SMNDC1: variants seen among roughly 807,000 people sequenced by gnomAD.
SMNDC1 encodes the protein survival of motor neuron-related-splicing factor 30.
A neutral mutation model predicts 29.2 loss-of-function variants in SMNDC1; 5 were observed. The ratio of observed to expected loss-of-function variants is 0.17; its 90% CI spans 0.09 to 0.36. SMNDC1 has a LOEUF of 0.36. Ranked by LOEUF, SMNDC1 falls within the 10% of genes least tolerant of loss-of-function variation. The pLI, the probability that SMNDC1 is intolerant of heterozygous loss-of-function variation, is 1.00. For missense variants in SMNDC1, 142 were observed against 268.5 expected, an observed-to-expected ratio of 0.53 and a Z score of 3.29; for synonymous variants, 80 against 89.9, an observed-to-expected ratio of 0.89 and a Z score of 0.62.
At chr10:110,301,686 C>T (rs1055974496) in intron 2 of SMNDC1, among the ~76,000 whole-genome samples, 3 of 152,128 alleles carry the variant, frequency 2.0e-5, no homozygotes, top group Non-Finnish European at 4.4e-5. Context: ...AGAACATTTC[C>T]ATCATCACAG....
chr10:110,299,295 C>T (rs1178053030), intron 2 of SMNDC1, among the ~76,000 whole-genome samples: 1 of 152,176 alleles, frequency 6.6e-6, no homozygotes, highest in African/African-American at 2.4e-5. Context: ...TAAAATACTA[C>T]AGGCAATGTA....
rs1473061024 is a variant in SMNDC1 at position 110,298,147 on chromosome 10, CCTAA to C, written c.264-423_264-420del. Among the ~76,000 whole-genome samples, 14 of 152,276 alleles carry C rather than the reference CCTAA, an allele frequency of 9.2e-5. No individual in the cohort carries two copies. The South Asian group carries it at 2.1e-3, about 23-fold the overall frequency. On this transcript the variant is annotated intron_variant, in intron 3 of 5. Coordinates refer to ENST00000369603, the MANE Select transcript of SMNDC1 (RefSeq NM_005871.4). Reference sequence around the variant, plus strand: ...GGGATTACAGGCACACGCCACCACACCTAACTGATTTTTGTATTTTTAGTAGAGA... The same window carrying C: ...GGGATTACAGGCACACGCCACCACACCTGATTTTTGTATTTTTAGTAGAGA...
chr10:110,297,978 G>C (rs1857590929), intron 3 of SMNDC1, among the ~76,000 whole-genome samples: 2 of 152,142 alleles, frequency 1.3e-5, no homozygotes, highest in African/African-American at 4.8e-5. Context: ...TAATGTCTTT[G>C]AGAATAGAGG....
In SMNDC1 at chr10:110,292,438, TA is replaced by T. The variant is rs1444719013; in HGVS notation, c.*1711del. On this transcript the variant is annotated 3_prime_UTR_variant, in exon 6 of 6. Coordinates refer to ENST00000369603, the MANE Select transcript of SMNDC1 (RefSeq NM_005871.4). ...AATTACTATTCTAATACCACCAAGG[TA>T]ATCTCAACAACCATTTTCTGGGGTC... 2 of 152,178 alleles carry T rather than the reference TA, an allele frequency of 1.3e-5. No individual in the cohort carries two copies. Among genetic ancestry groups the T allele is most frequent in the Non-Finnish European group, 2.9e-5 (2 of 68,032 alleles). The allele number at this position is 152,178 out of a possible 1,614,324, so 9.4% of individuals were successfully genotyped here.
In SMNDC1 at chr10:110,298,712, T is replaced by C. The variant is rs1009841351; in HGVS notation, c.199A>G (p.Thr67Ala). The C allele has an allele frequency of 1.9e-6, 3 of 1,613,710 alleles. No homozygotes were observed. The highest frequency in any genetic ancestry group is 2.5e-6 in the Non-Finnish European group (3 of 1,179,708). ...ACTTTCCATGAATGAGTAGGTTGAG[T>C]AGAAGCAAAACTGTCTGAACTTGCA... ...TLASSDSFAS[T>A]QPTHSWKVGD... The change falls in exon 3 of 6, where the codon ACT becomes GCT. Residue 67 changes from threonine to alanine, a missense_variant. Transcript: ENST00000369603.
chr10:110,300,434 C>A, intron 2 of SMNDC1: 2 of 436,016 alleles, frequency 4.6e-6, no homozygotes, highest in Non-Finnish European at 3.0e-6. Context: ...TTTTACATAA[C>A]CCTCCCAACA....
intron 5 of SMNDC1, among the ~76,000 whole-genome samples, chr10:110,294,991 GA>G (rs1342670791): frequency 6.6e-6 from 1 of 152,132 alleles, no homozygotes; most frequent in Non-Finnish European, 1.5e-5. Flanking sequence ...TTTATAGAAG[GA>G]AAAGAACATA....
Position 110,298,682 on chromosome 10 carries a change from C to T in SMNDC1, c.229G>A (p.Asp77Asn). 6.2e-7 allele frequency: 1 copy of T among 1,613,588 alleles called. No homozygotes were observed. ...TCACTCCAGACTGCCATACACTTGT[C>T]TCCTACTTTCCATGAATGAGTAGGT... ...TQPTHSWKVG[D>N]KCMAVWSEDG... The change falls in exon 3 of 6, where the codon GAC (aspartate) becomes AAC (asparagine). Residue 77 changes from aspartate (D) to asparagine (N), a missense_variant. By Grantham distance (23) the Asp-to-Asn change is conservative. This residue lies in a region of SMNDC1 where 65 missense variants were observed against 75.9 expected (regional missense o/e 0.86). Coordinates refer to ENST00000369603, the MANE Select transcript of SMNDC1 (RefSeq NM_005871.4).
Position 110,293,478 on chromosome 10 carries a change from CAG to C in SMNDC1, c.*670_*671del, listed in dbSNP as rs1371145369. 1 of 152,258 alleles carries C rather than the reference CAG, an allele frequency of 6.6e-6. No homozygotes were observed. The highest frequency in any genetic ancestry group is 2.4e-5 in the African/African-American group (1 of 41,408). 9.4% of individuals were successfully genotyped at this position (152,258 alleles called of 1,614,324 possible). The stretch of plus-strand genomic sequence containing the variant: ...TGCCGTAAATGGAAAAAACAAAAAA[CAG>C]GAAAAAAGCAAACATACAAAAAACA... On this transcript the variant is annotated 3_prime_UTR_variant, in exon 6 of 6. Coordinates refer to ENST00000369603, the MANE Select transcript of SMNDC1 (RefSeq NM_005871.4).
Position 110,298,628 on chromosome 10 carries a change from GT to G in SMNDC1, c.263+19del, listed in dbSNP as rs748971084. ...TTTATTATTTCATGTTATAGTTAGA[GT>G]TTTTTTTTCTACACTTACTGTCCAT... On this transcript the variant is annotated intron_variant, in intron 3 of 5. Transcript: ENST00000369603. 3.3e-5 allele frequency: 51 copies of G among 1,542,412 alleles called. No individual in the cohort carries two copies. The highest frequency in any genetic ancestry group is 3.2e-4 in the African/African-American group (23 of 72,012).
chr10:110,303,131 T>C (rs1161521093), intron 2 of SMNDC1, among the ~76,000 whole-genome samples: 1 of 152,234 alleles, frequency 6.6e-6, no homozygotes, highest in Non-Finnish European at 1.5e-5. Context: ...CTAAATTTCA[T>C]TTGCCAGGTC....
At chr10:110,298,249 A>G (rs1857595071) in intron 3 of SMNDC1, among the ~76,000 whole-genome samples, 1 of 152,196 alleles carries the variant, frequency 6.6e-6, no homozygotes, top group Non-Finnish European at 1.5e-5. Flanking sequence ...TCAGCCTCCC[A>G]AAGTGCTGAG....
Position 110,293,529 on chromosome 10 carries a change from C to T in SMNDC1, c.*621G>A, listed in dbSNP as rs1024175881. 1 of 152,134 alleles carries T rather than the reference C, an allele frequency of 6.6e-6. No individual in the cohort carries two copies. The highest frequency in any genetic ancestry group is 6.5e-5 in the Admixed American group (1 of 15,272). 9.4% of individuals were successfully genotyped at this position (152,134 alleles called of 1,614,324 possible). A position where few individuals can be genotyped will look rare whatever the true frequency, so the allele number is the denominator to read the frequency against. On this transcript the variant is annotated 3_prime_UTR_variant, in exon 6 of 6. Transcript: ENST00000369603. ...CAAAAACACCTTAGAAAAGGGAGCT[C>T]ATCCTAAGGTTTCTTACATAAAACT...
intron 5 of SMNDC1, among the ~76,000 whole-genome samples, chr10:110,294,595 T>C (rs1857540281): frequency 6.6e-6 from 1 of 152,236 alleles, no homozygotes; most frequent in South Asian, 2.1e-4. Flanking sequence ...CATTCTAGCA[T>C]GATTAAAGCT....
At position 110,304,894 on chromosome 10, in the gene SMNDC1, G is replaced by C. The variant is rs1054476035; in HGVS notation, c.-147C>G. 1.3e-5 allele frequency: 2 copies of C among 152,478 alleles called. No individual in the cohort carries two copies. The highest frequency in any genetic ancestry group is 4.8e-5 in the African/African-American group (2 of 41,466). 9.4% of individuals were successfully genotyped at this position (152,478 alleles called of 1,614,324 possible). A position where few individuals can be genotyped will look rare whatever the true frequency, so the allele number is the denominator to read the frequency against. On this transcript the variant is annotated 5_prime_UTR_variant, in exon 1 of 6. Coordinates refer to ENST00000369603, the MANE Select transcript of SMNDC1 (RefSeq NM_005871.4). ...ACCCGGTCTGAAAAGGAAGAACTCG[G>C]TCGGCGGCGAGGGGGAAGGGAGGAA... is the stretch of plus-strand genomic sequence containing the variant.
chr10:110,303,050 A>T (rs1258089186), intron 2 of SMNDC1, among the ~76,000 whole-genome samples: 1 of 152,112 alleles, frequency 6.6e-6, no homozygotes, highest in Non-Finnish European at 1.5e-5. Flanking sequence ...ACGCATTTTC[A>T]AAGAATCTTG....
chr10:110,298,801 AAAAC>A lies in SMNDC1; in HGVS notation c.121-15_121-12del, dbSNP rs1564734021. 1 of 1,589,902 alleles carries A rather than the reference AAAAC, an allele frequency of 6.3e-7. No homozygotes were observed. Among genetic ancestry groups the A allele is most frequent in the Non-Finnish European group, 8.6e-7 (1 of 1,165,314 alleles). On this transcript the variant is annotated splice_polypyrimidine_tract_variant and intron_variant, in intron 2 of 5. Coordinates refer to ENST00000369603, the MANE Select transcript of SMNDC1 (RefSeq NM_005871.4). The stretch of plus-strand genomic sequence containing the variant: ...TAGTTCTATAACTTCCTAAAAAAGA[AAAAC>A]AAAAACTACAACATTATTTTTATAA...
chr10:110,294,028 C>G lies in SMNDC1; in HGVS notation c.*122G>C. 1 of 726,438 alleles carries G rather than the reference C, an allele frequency of 1.4e-6. No individual in the cohort carries two copies. Among genetic ancestry groups the G allele is most frequent in the Non-Finnish European group, 2.1e-6 (1 of 474,750 alleles). 45.0% of individuals were successfully genotyped at this position (726,438 alleles called of 1,614,324 possible). A position where few individuals can be genotyped will look rare whatever the true frequency, so the allele number is the denominator to read the frequency against. ...TCTTCACGTTTCATTCTACTGAAGCCAACCAATGACGACAATGGTATCTTG... is the reference window on the plus strand; with the variant it reads ...TCTTCACGTTTCATTCTACTGAAGCGAACCAATGACGACAATGGTATCTTG... On this transcript the variant is annotated 3_prime_UTR_variant, in exon 6 of 6. Transcript: ENST00000369603.
chr10:110,297,717 G>A lies in SMNDC1; in HGVS notation c.275C>T (p.Ala92Val). 2.5e-6 allele frequency: 4 copies of A among 1,613,576 alleles called. No individual in the cohort carries two copies. The highest frequency in any genetic ancestry group is 2.5e-6 in the Non-Finnish European group (3 of 1,179,778). The change falls in exon 4 of 6, where the codon GCG (alanine) becomes GTG (valine). Residue 92 changes from alanine to valine, a missense_variant. Ala to Val is a moderately conservative substitution (Grantham distance 64). Transcript: ENST00000369603. The part of the protein sequence containing the change: ...VWSEDGQCYE[A>V]EIEEIDEENG... ...TTCTTCATCTATCTCCTCAATCTCC[G>A]CTTCATAACACCTGTAAAGATATCA...
Sources: allele counts gnomAD v4.1 joint callset (sites outside exome capture counted in the v4.1 genomes callset), GRCh38; gene constraint gnomAD v4.1.1; regional missense constraint gnomAD v4.1.1; transcripts MANE v1.5; gene names NCBI Gene and HGNC (gene_info 2026-07-23, HGNC 2026-07-21).